AMMECR1: variants seen among roughly 807,000 people sequenced by gnomAD.
The protein encoded by AMMECR1 is AMMECR nuclear protein 1.
Under a neutral mutation model 22.5 loss-of-function variants are expected in AMMECR1, and 3 were observed. That is an observed-to-expected ratio of 0.13 (90% CI 0.06 to 0.35). AMMECR1 has a LOEUF of 0.35. AMMECR1 is among the 10% of genes least tolerant of loss of function. AMMECR1 has a pLI of 1.00. For missense variants in AMMECR1, 235 were observed against 278.7 expected (o/e 0.84, Z 1.12); for synonymous variants, 130 against 116.7 (o/e 1.11, Z -0.74).
chrX:110,384,017 A>G (rs1254492715), intron 2 of AMMECR1, among the ~76,000 whole-genome samples: 1 of 112,137 alleles, frequency 8.9e-6, no homozygotes, highest in Admixed American at 9.5e-5. Flanking sequence ...AACCTGACAC[A>G]TTGCAAATGT....
At chrX:110,267,408 A>C (rs1452950936) in intron 1 of AMMECR1, among the ~76,000 whole-genome samples, 1 of 110,607 alleles carries the variant, frequency 9.0e-6, no homozygotes, top group East Asian at 2.8e-4. Context: ...AAAAAAAAAA[A>C]ACTTTATTTT....
intron 2 of AMMECR1, among the ~76,000 whole-genome samples, chrX:110,247,823 T>G (rs1222460189): frequency 1.8e-5 from 2 of 112,500 alleles, no homozygotes; most frequent in African/African-American, 3.2e-5. Flanking sequence ...GTTTGAAAGA[T>G]ATTTTCACTG....
At chrX:110,212,852 C>A (rs1444255535) in intron 3 of AMMECR1, among the ~76,000 whole-genome samples, 2 of 110,814 alleles carry the variant, frequency 1.8e-5, no homozygotes, top group Non-Finnish European at 3.8e-5. Flanking sequence ...ACCAAATATT[C>A]AGATTTATTG....
At chrX:110,395,197 C>T (rs1401849954) in intron 2 of AMMECR1, among the ~76,000 whole-genome samples, 1 of 112,119 alleles carries the variant, frequency 8.9e-6, no homozygotes, top group Admixed American at 9.4e-5. Context: ...TCCGAGGGTG[C>T]CCCCACACCA....
intron 1 of AMMECR1, among the ~76,000 whole-genome samples, chrX:110,280,295 T>C (rs1292112118): frequency 9.0e-6 from 1 of 111,387 alleles, no homozygotes; most frequent in Non-Finnish European, 1.9e-5. Flanking sequence ...GTGTGTGCTG[T>C]TTGATGTAAA....
At chrX:110,350,652 C>A (rs896922910) in intron 2 of AMMECR1, among the ~76,000 whole-genome samples, 1 of 111,369 alleles carries the variant, frequency 9.0e-6, no homozygotes, top group Admixed American at 9.5e-5. Context: ...TAGCAATGAA[C>A]AATCTGAAAA....
intron 2 of AMMECR1, among the ~76,000 whole-genome samples, chrX:110,366,050 G>C (rs1368863297): frequency 9.0e-6 from 1 of 111,722 alleles, no homozygotes; most frequent in Non-Finnish European, 1.9e-5. Context: ...CTGCAGAATA[G>C]AGAGATGGCC....
At chrX:110,339,401 T>TAAAAA (rs10664998) in intron 2 of AMMECR1, among the ~76,000 whole-genome samples, 79 of 48,964 alleles carry the variant, frequency 1.6e-3, no homozygotes, top group East Asian at 3.0e-3. Flanking sequence ...TGGTTTGTTG[T>TAAAAA]AAAAAAAAAA....
At chrX:110,390,627 C>T in intron 2 of AMMECR1, among the ~76,000 whole-genome samples, 1 of 111,856 alleles carries the variant, frequency 8.9e-6, no homozygotes, top group East Asian at 2.8e-4. Flanking sequence ...TGTCATCCAG[C>T]AAAATAGAGA....
At chrX:110,416,965 C>T (rs2068681990) in intron 2 of AMMECR1, among the ~76,000 whole-genome samples, 1 of 112,181 alleles carries the variant, frequency 8.9e-6, no homozygotes, top group Non-Finnish European at 1.9e-5. Context: ...TTCCAATTTT[C>T]GGTTTTTGGG....
intron 2 of AMMECR1, among the ~76,000 whole-genome samples, chrX:110,222,376 C>T (rs1209013708): frequency 1.1e-5 from 1 of 90,441 alleles, no homozygotes; most frequent in African/African-American, 4.1e-5. Context: ...TATTCTCACT[C>T]ATAGGTGGGA....
intron 2 of AMMECR1, among the ~76,000 whole-genome samples, chrX:110,233,533 G>A (rs2067582057): frequency 8.9e-6 from 1 of 111,918 alleles, no homozygotes; most frequent in Non-Finnish European, 1.9e-5. Flanking sequence ...CAACAAAAAA[G>A]AGAATTTTAG....
At chrX:110,318,843 A>C (rs753995309), upstream of AMMECR1, among the ~76,000 whole-genome samples, 4 of 112,237 alleles carry the variant, frequency 3.6e-5, no homozygotes, top group East Asian at 8.3e-4. Context: ...TTGTTCCCCC[A>C]ACTTACCCTC....
rs191418813 is a variant in AMMECR1, at chrX:110,393,602, C to T, written c.-148+33056G>A. 5.3e-5 allele frequency among the ~76,000 whole-genome samples: 6 copies of T among 112,308 alleles called. No individual in the cohort carries two copies. In the East Asian group the frequency reaches 1.7e-3, roughly 32 times the overall value. On this transcript the variant is annotated intron_variant, in intron 2 of 7. Transcript: ENST00000372057. ...CTGGTGCCTCTAAAAGTTTCTTCTT[C>T]TAGGGTTCATCCCTCTTCTCTCTTC... is the stretch of plus-strand genomic sequence containing the variant.
chrX:110,376,500 C>T (rs753068313), intron 2 of AMMECR1, among the ~76,000 whole-genome samples: 5 of 111,775 alleles, frequency 4.5e-5, no homozygotes, highest in African/African-American at 1.3e-4. Context: ...TGACATGACA[C>T]CTTAGAGGCT....
chrX:110,411,366 T>C lies in AMMECR1; in HGVS notation c.-148+15292A>G, dbSNP rs146442627. 3.6e-3 allele frequency among the ~76,000 whole-genome samples: 399 copies of C among 112,011 alleles called. 1 individual carries two copies. The highest frequency in any genetic ancestry group is 7.2e-3 in the South Asian group (19 of 2,642). On this transcript the variant is annotated intron_variant, in intron 2 of 7. Coordinates refer to the AMMECR1 transcript ENST00000372057. Reference sequence around the variant, plus strand: ...GCCTCACCATTTCTGGGGAAAAGGATGCACCATTTAATACATGGTGCCATT... The same window carrying C: ...GCCTCACCATTTCTGGGGAAAAGGACGCACCATTTAATACATGGTGCCATT...
chrX:110,198,942 A>G (rs1239024957), intron 5 of AMMECR1, among the ~76,000 whole-genome samples: 1 of 111,472 alleles, frequency 9.0e-6, no homozygotes, highest in Non-Finnish European at 1.9e-5. Context: ...GATTCAGTTG[A>G]TTATTTTTCT....
chrX:110,251,888 CT>C (rs1316285524), intron 2 of AMMECR1, among the ~76,000 whole-genome samples: 1 of 111,785 alleles, frequency 8.9e-6, no homozygotes, highest in Non-Finnish European at 1.9e-5. Flanking sequence ...AAATTCCTGC[CT>C]ACCTACATGT....
intron 2 of AMMECR1, among the ~76,000 whole-genome samples, chrX:110,378,613 C>T (rs1378693077): frequency 8.9e-6 from 1 of 112,276 alleles, no homozygotes; most frequent in Non-Finnish European, 1.9e-5. Flanking sequence ...TGCCAAACTA[C>T]CATTCTTTGT....
Sources: gnomAD v4.1 joint callset for allele counts (sites outside exome capture counted in the v4.1 genomes callset) on GRCh38, gnomAD v4.1.1 for gene constraint, MANE v1.5 for transcripts, NCBI Gene and HGNC (gene_info 2026-07-23, HGNC 2026-07-21) for gene names.